Variants in SLC35F1 observed in about 807,000 individuals in gnomAD.
The protein encoded by SLC35F1 is chromosome 6 open reading frame 169.
In SLC35F1, 14 loss-of-function variants were observed where a neutral mutation model predicts 48.7. The ratio of observed to expected loss-of-function variants is 0.29; its 90% CI spans 0.19 to 0.45. The LOEUF is 0.45. Ranked by LOEUF, SLC35F1 falls within the 20% of genes least tolerant of loss-of-function variation. The probability of loss-of-function intolerance (pLI) is 1.00; values close to 1 mark genes in which losing one functional copy is unlikely to be tolerated. For missense variants in SLC35F1, 404 were observed against 500.0 expected (o/e 0.81, Z 1.83); for synonymous variants, 190 against 202.2 (o/e 0.94, Z 0.51).
intron 7 of SLC35F1, among the ~76,000 whole-genome samples, chr6:118,307,805 G>A (rs1486061064): frequency 6.6e-6 from 1 of 152,162 alleles, no homozygotes; most frequent in African/African-American, 2.4e-5. Flanking sequence ...TCGTCCCAGG[G>A]TCTTACCGTT....
At chr6:118,043,405 A>G (rs758401307) in intron 1 of SLC35F1, among the ~76,000 whole-genome samples, 2 of 151,644 alleles carry the variant, frequency 1.3e-5, no homozygotes, top group Non-Finnish European at 2.9e-5. Context: ...ATAAGGATTT[A>G]TATTTTTCTT....
intron 2 of SLC35F1, among the ~76,000 whole-genome samples, chr6:118,207,499 A>G (rs954855647): frequency 1.3e-5 from 2 of 152,210 alleles, no homozygotes; most frequent in Admixed American, 1.3e-4. Flanking sequence ...GTGTTTCTCT[A>G]TACACATGTG....
chr6:118,023,622 G>C (rs890071785), intron 1 of SLC35F1, among the ~76,000 whole-genome samples: 13 of 152,106 alleles, frequency 8.5e-5, no homozygotes, highest in African/African-American at 2.9e-4. Flanking sequence ...ATTCATCTGT[G>C]CCTATTTAAA....
At chr6:118,222,840 C>G (rs1775168414) in intron 2 of SLC35F1, among the ~76,000 whole-genome samples, 1 of 152,172 alleles carries the variant, frequency 6.6e-6, no homozygotes, top group African/African-American at 2.4e-5. Flanking sequence ...TGATACCACC[C>G]TAGTAGTCTT....
At chr6:118,053,854 A>T (rs1772425786) in intron 1 of SLC35F1, among the ~76,000 whole-genome samples, 1 of 152,192 alleles carries the variant, frequency 6.6e-6, no homozygotes, top group African/African-American at 2.4e-5. Context: ...TGGGTCAAAG[A>T]GCAAGAACAC....
At chr6:118,133,820 A>C (rs1340387909) in intron 1 of SLC35F1, among the ~76,000 whole-genome samples, 1 of 152,170 alleles carries the variant, frequency 6.6e-6, no homozygotes, top group African/African-American at 2.4e-5. Context: ...CTCCCTTGTC[A>C]CAGTCTCTGG....
chr6:118,156,355 G>A (rs1026989514), intron 2 of SLC35F1, among the ~76,000 whole-genome samples: 1 of 152,110 alleles, frequency 6.6e-6, no homozygotes, highest in Non-Finnish European at 1.5e-5. Context: ...CAAGGTGGTC[G>A]GGGTGCAGCT....
chr6:118,157,307 T>C (rs1465199969), intron 2 of SLC35F1, among the ~76,000 whole-genome samples: 1 of 152,086 alleles, frequency 6.6e-6, no homozygotes, highest in African/African-American at 2.4e-5. Flanking sequence ...GTTTTTTTCC[T>C]TTGAATTTCA....
At chr6:118,101,484 C>G (rs1773257541) in intron 1 of SLC35F1, among the ~76,000 whole-genome samples, 1 of 152,200 alleles carries the variant, frequency 6.6e-6, no homozygotes, top group Non-Finnish European at 1.5e-5. Flanking sequence ...TTAAGCAAGT[C>G]TGCCTCTGAA....
intron 1 of SLC35F1, among the ~76,000 whole-genome samples, chr6:118,025,663 T>C (rs1455282986): frequency 6.6e-6 from 1 of 152,214 alleles, no homozygotes; most frequent in Non-Finnish European, 1.5e-5. Flanking sequence ...TTTGTGAGGA[T>C]AGATTCATGG....
chr6:118,003,220 G>A (rs770545378), intron 1 of SLC35F1, among the ~76,000 whole-genome samples: 1 of 152,222 alleles, frequency 6.6e-6, no homozygotes, highest in Non-Finnish European at 1.5e-5. Context: ...AATTTCTTTT[G>A]CTGTGGCATG....
intron 1 of SLC35F1, among the ~76,000 whole-genome samples, chr6:118,117,845 T>C (rs1773494587): frequency 6.6e-6 from 1 of 152,268 alleles, no homozygotes; most frequent in Non-Finnish European, 1.5e-5. Context: ...GCATTCTCCT[T>C]GGGGTTTGAC....
chr6:118,233,220 C>G (rs1310339693), intron 2 of SLC35F1, among the ~76,000 whole-genome samples: 1 of 152,234 alleles, frequency 6.6e-6, no homozygotes, highest in Non-Finnish European at 1.5e-5. Context: ...CCGCCTCAGC[C>G]TCCCAAAGTG....
intron 1 of SLC35F1, among the ~76,000 whole-genome samples, chr6:118,100,976 C>A (rs549101673): frequency 1.3e-5 from 2 of 152,276 alleles, no homozygotes; most frequent in African/African-American, 4.8e-5. Flanking sequence ...TTAAAGGTTA[C>A]CTCCCAGGAA....
intron 1 of SLC35F1, among the ~76,000 whole-genome samples, chr6:117,982,213 A>G (rs1776789860): frequency 6.6e-6 from 1 of 152,220 alleles, no homozygotes; most frequent in Non-Finnish European, 1.5e-5. Context: ...AATCAGTTAT[A>G]GGAAATGAAG....
At chr6:117,965,949 C>T (rs1293670563) in intron 1 of SLC35F1, among the ~76,000 whole-genome samples, 1 of 152,068 alleles carries the variant, frequency 6.6e-6, no homozygotes, top group African/African-American at 2.4e-5. Context: ...CACCAGTCAG[C>T]ACTCTGTGTC....
intron 1 of SLC35F1, among the ~76,000 whole-genome samples, chr6:118,108,713 C>T (rs1407830599): frequency 6.6e-6 from 1 of 152,046 alleles, no homozygotes; most frequent in Non-Finnish European, 1.5e-5. Flanking sequence ...GTTTGGAGCT[C>T]AGTTATGCTG....
At chr6:118,086,987 T>G (rs1183057354) in intron 1 of SLC35F1, among the ~76,000 whole-genome samples, 1 of 152,214 alleles carries the variant, frequency 6.6e-6, no homozygotes, top group Admixed American at 6.5e-5. Context: ...ACATGTTTGG[T>G]CTACATGTCT....
intron 3 of SLC35F1, among the ~76,000 whole-genome samples, chr6:118,260,721 G>A (rs1775702258): frequency 6.6e-6 from 1 of 152,158 alleles, no homozygotes; most frequent in Admixed American, 6.5e-5. Flanking sequence ...TAAATGCCCA[G>A]TAAATGTTAG....
Sources: allele counts gnomAD v4.1 joint callset (sites outside exome capture counted in the v4.1 genomes callset), GRCh38; gene constraint gnomAD v4.1.1; transcripts MANE v1.5; gene names NCBI Gene and HGNC (gene_info 2026-07-23, HGNC 2026-07-21).